DCDC2: variants seen among roughly 807,000 people sequenced by gnomAD.
DCDC2 encodes the protein doublecortin domain containing 2.
DCDC2 carries 40 observed loss-of-function variants against 50.2 expected under a neutral mutation model. The observed-to-expected ratio is 0.80, with a 90% CI of 0.62 to 1.04. The LOEUF (loss-of-function observed/expected upper bound fraction) is 1.04, where lower values mean the gene tolerates loss of function less well. DCDC2 is among the 50% of genes least tolerant of loss of function. The probability of loss-of-function intolerance (pLI) is 0.00; values close to 1 mark genes in which losing one functional copy is unlikely to be tolerated. For missense variants in DCDC2, 570 were observed against 581.9 expected, an observed-to-expected ratio of 0.98 and a Z score of 0.21; for synonymous variants, 234 against 210.6, an observed-to-expected ratio of 1.11 and a Z score of -0.96.
intron 7 of DCDC2, among the ~76,000 whole-genome samples, chr6:24,251,951 C>A (rs1461136775): frequency 6.6e-6 from 1 of 152,178 alleles, no homozygotes; most frequent in Non-Finnish European, 1.5e-5. Context: ...TCTGTAGCTG[C>A]AGAATGCTGT....
intron 7 of DCDC2, among the ~76,000 whole-genome samples, chr6:24,219,550 G>A (rs1200522447): frequency 6.6e-6 from 1 of 152,154 alleles, no homozygotes; most frequent in Non-Finnish European, 1.5e-5. Context: ...CAGTTTAACG[G>A]GGTGCAACTA....
At chr6:24,213,508 C>G (rs1407665917) in intron 7 of DCDC2, among the ~76,000 whole-genome samples, 2 of 152,044 alleles carry the variant, frequency 1.3e-5, no homozygotes, top group South Asian at 4.1e-4. Flanking sequence ...TATGTGTCAC[C>G]TCAGTCACCA....
chr6:24,359,797 CAG>C (rs5874977), upstream of DCDC2, among the ~76,000 whole-genome samples: 65,656 of 151,594 alleles, frequency 0.43, 15,546 homozygotes, highest in Non-Finnish European at 0.53. Context: ...GAATGAGAAA[CAG>C]AGCGAAGACT....
At chr6:24,300,037 G>C (rs922219979) in intron 4 of DCDC2, among the ~76,000 whole-genome samples, 13 of 151,968 alleles carry the variant, frequency 8.6e-5, no homozygotes, top group African/African-American at 3.1e-4. Flanking sequence ...AAAATCAAGG[G>C]GGTGTTTGTA....
intron 7 of DCDC2, among the ~76,000 whole-genome samples, chr6:24,248,520 TATTAGTATC>T (rs1187941751): frequency 6.6e-6 from 1 of 152,226 alleles, no homozygotes; most frequent in Non-Finnish European, 1.5e-5. Context: ...GTAGTATTAG[TATTAGTATC>T]ATTAGTATCA....
chr6:24,176,366 T>C (rs10946681), intron 9 of DCDC2, among the ~76,000 whole-genome samples: 110,767 of 151,952 alleles, frequency 0.73, 42,805 homozygotes, highest in East Asian at 0.97. Flanking sequence ...CTTATTTGAA[T>C]TCCCAAGAAT....
At chr6:24,376,185 A>T in the DCDC2 span, among the ~76,000 whole-genome samples, 1 of 152,222 alleles carries the variant, frequency 6.6e-6, no homozygotes, top group African/African-American at 2.4e-5. Context: ...CCTTGAACTC[A>T]TGGAGAATGG....
chr6:24,179,754 A>C (rs1032132747), intron 8 of DCDC2, among the ~76,000 whole-genome samples: 9 of 149,410 alleles, frequency 6.0e-5, no homozygotes, highest in South Asian at 2.1e-4. Context: ...GGAGATTGAG[A>C]CCATCCTGGC....
At chr6:24,375,896 G>A in the DCDC2 span, among the ~76,000 whole-genome samples, 1 of 152,120 alleles carries the variant, frequency 6.6e-6, no homozygotes, top group Admixed American at 6.6e-5. Flanking sequence ...GAGAGAAGGA[G>A]GGAGGGAGGC....
chr6:24,186,615 C>T (rs1761209908), intron 8 of DCDC2, among the ~76,000 whole-genome samples: 1 of 152,202 alleles, frequency 6.6e-6, no homozygotes, highest in Non-Finnish European at 1.5e-5. Context: ...GATAATGAGG[C>T]AGAGGGGCTG....
chr6:24,237,835 C>G (rs1048025972), intron 7 of DCDC2, among the ~76,000 whole-genome samples: 2 of 151,914 alleles, frequency 1.3e-5, no homozygotes, highest in Non-Finnish European at 2.9e-5. Context: ...AACCATAAAC[C>G]ACTTATTCTC....
intron 4 of DCDC2, among the ~76,000 whole-genome samples, chr6:24,298,661 AAT>A (rs1307634637): frequency 2.6e-5 from 4 of 152,238 alleles, no homozygotes; most frequent in African/African-American, 9.6e-5. Context: ...ACACATAAGA[AAT>A]AGTCAATAGA....
chr6:24,273,009 TACACACAC>T (rs60162257), intron 7 of DCDC2, among the ~76,000 whole-genome samples: 7 of 149,364 alleles, frequency 4.7e-5, no homozygotes, highest in East Asian at 3.9e-4. Flanking sequence ...TATAAAGACA[TACACACAC>T]ACACACACAC....
chr6:24,246,297 G>T (rs1230413086), intron 7 of DCDC2, among the ~76,000 whole-genome samples: 1 of 151,656 alleles, frequency 6.6e-6, no homozygotes, highest in East Asian at 1.9e-4. Flanking sequence ...ACTCTTCAAG[G>T]GTTATTTTTA....
chr6:24,339,449 T>A (rs1262821466), intron 2 of DCDC2, among the ~76,000 whole-genome samples: 5 of 152,292 alleles, frequency 3.3e-5, no homozygotes, highest in Admixed American at 2.0e-4. Context: ...CTGGTGCTCA[T>A]ATCATTTTTT....
Position 24,174,605 on chromosome 6 carries a change from A to C in DCDC2, c.*125T>G. On this transcript the variant is annotated 3_prime_UTR_variant, in exon 10 of 10. Transcript: ENST00000378454. ...GTCTTTCCACTAGGCTTCTAATGTT[A>C]TAATTCGTAGGTAGTATTCGACCAT... 1.7e-6 allele frequency: 1 copy of C among 581,982 alleles called. No individual in the cohort carries two copies. The highest frequency in any genetic ancestry group is 2.9e-6 in the Non-Finnish European group (1 of 340,188). 36.1% of individuals were successfully genotyped at this position (581,982 alleles called of 1,614,324 possible). A position where few individuals can be genotyped will look rare whatever the true frequency, so the allele number is the denominator to read the frequency against.
chr6:24,297,480 G>C (rs1293459004), intron 4 of DCDC2, among the ~76,000 whole-genome samples: 1 of 151,974 alleles, frequency 6.6e-6, no homozygotes, highest in African/African-American at 2.4e-5. Context: ...TAAAAAAAAA[G>C]AAGTTTCTCT....
At chr6:24,267,310 G>A (rs1763143504) in intron 7 of DCDC2, among the ~76,000 whole-genome samples, 1 of 152,116 alleles carries the variant, frequency 6.6e-6, no homozygotes, top group Non-Finnish European at 1.5e-5. Context: ...TAATTGGAGT[G>A]TTTGTAACAA....
At chr6:24,362,691 G>A (rs1452254811), upstream of DCDC2, among the ~76,000 whole-genome samples, 4 of 152,126 alleles carry the variant, frequency 2.6e-5, no homozygotes, top group Non-Finnish European at 2.9e-5. Flanking sequence ...CTAAAAGGCA[G>A]CCTAGACTCG....
Sources: gnomAD v4.1 joint callset for allele counts (sites outside exome capture counted in the v4.1 genomes callset) on GRCh38, gnomAD v4.1.1 for gene constraint, MANE v1.5 for transcripts, NCBI Gene and HGNC (gene_info 2026-07-23, HGNC 2026-07-21) for gene names.